Variants in PFKL observed in about 807,000 individuals in gnomAD.
The protein encoded by PFKL is ATP-dependent 6-phosphofructokinase, liver type.
Under a neutral mutation model 92.1 loss-of-function variants are expected in PFKL, and 74 were observed. That is an observed-to-expected ratio of 0.80 (90% confidence interval 0.67 to 0.97). PFKL has a LOEUF of 0.97. Ranked by LOEUF, PFKL falls within the 50% of genes least tolerant of loss-of-function variation. The pLI is 0.00. For synonymous variants in PFKL, 494 were observed against 456.4 expected, an observed-to-expected ratio of 1.08 and a Z score of -1.05; for missense variants, 1,028 against 1,116.6, an observed-to-expected ratio of 0.92 and a Z score of 1.13.
At position 44,313,098 on chromosome 21, in the gene PFKL, A is replaced by G. The variant is rs776013926; in HGVS notation, c.548A>G (p.His183Arg). ...ACCATCGGCACGGACTCGGCCCTCC[A>G]CCGCATCATGGAGGTCATCGATGCC... ...DMTIGTDSAL[H>R]RIMEVIDAIT... The change falls in exon 5 of 22, where the codon CAC (histidine) becomes CGC (arginine). Residue 183 changes from histidine to arginine, a missense_variant. By Grantham distance (29) the His-to-Arg change is conservative (BLOSUM62 0). Coordinates refer to ENST00000349048, the MANE Select transcript of PFKL (RefSeq NM_002626.6). 3 of 1,612,788 alleles carry G rather than the reference A, an allele frequency of 1.9e-6. No individual in the cohort carries two copies. The highest frequency in any genetic ancestry group is 1.7e-6 in the Non-Finnish European group (2 of 1,179,886).
intron 7 of PFKL, chr21:44,314,782 CG>C (rs1338795854): frequency 6.6e-6 from 1 of 152,354 alleles, no homozygotes; most frequent in Non-Finnish European, 1.5e-5. Context: ...ACCAGAGGCA[CG>C]GGCCATTCAG....
At chr21:44,321,467 G>A (rs2047352850) in intron 12 of PFKL, 1 of 241,896 alleles carries the variant, frequency 4.1e-6, no homozygotes, top group Non-Finnish European at 7.9e-6. Context: ...TCACAACAGT[G>A]CTCGCCCCTT....
At chr21:44,319,653 G>T in intron 11 of PFKL, 1 of 580,110 alleles carries the variant, frequency 1.7e-6, no homozygotes, top group Non-Finnish European at 3.1e-6. Context: ...TCTGGGCATG[G>T]CGAGGGGATG....
rs779945114 is a variant in PFKL, at chr21:44,326,833, C to T, written c.2314C>T (p.Arg772Cys). The change falls in exon 22 of 22, where the codon CGC (arginine) becomes TGC (cysteine). Residue 772 changes from arginine (R) to cysteine (C), a missense_variant. Coordinates refer to ENST00000349048, the MANE Select transcript of PFKL (RefSeq NM_002626.6). ...AGGGGAGCTGGAGCACGTGACCCGC[C>T]GCACCCTGAGCATGGACAAGGGCTT... ...VSGELEHVTR[R>C]TLSMDKGF The T allele has an allele frequency of 1.1e-5, 18 of 1,609,960 alleles. No individual in the cohort carries two copies. Among genetic ancestry groups the T allele is most frequent in the Middle Eastern group, 1.7e-4 (1 of 6,020 alleles).
At chr21:44,326,134 G>A in intron 20 of PFKL, 25 bp from the exon 21 acceptor site, 1 of 1,608,474 alleles carries the variant, frequency 6.2e-7, no homozygotes, top group Non-Finnish European at 8.5e-7. Flanking sequence ...CACCATGGAG[G>A]GCTGCCACGT....
At chr21:44,322,720 C>T (rs900139510) in intron 14 of PFKL, among the ~76,000 whole-genome samples, 2 of 152,282 alleles carry the variant, frequency 1.3e-5, no homozygotes, top group South Asian at 2.1e-4. Context: ...GGGAGCCCAG[C>T]GGGGTGGGGG....
rs1381182129 is a variant in PFKL at position 44,316,358 on chromosome 21, G to T, written c.843+19G>T. On this transcript the variant is annotated intron_variant, in intron 8 of 21. Coordinates refer to ENST00000349048, the MANE Select transcript of PFKL (RefSeq NM_002626.6). Reference sequence around the variant, plus strand: ...GAAGGACGTGCGTGTGGGCCTGGGGGTGGCCACTGGGCACCTGCTCCTCTA... The same window carrying T: ...GAAGGACGTGCGTGTGGGCCTGGGGTTGGCCACTGGGCACCTGCTCCTCTA... 13 of 1,612,232 alleles carry T rather than the reference G, an allele frequency of 8.1e-6. No individual in the cohort carries two copies. In the East Asian group the frequency reaches 2.7e-4, roughly 33 times the overall value.
rs1364124755 is a variant in PFKL at position 44,326,941 on chromosome 21, T to C, written c.*79T>C. 2 of 1,366,366 alleles carry C rather than the reference T, an allele frequency of 1.5e-6. No homozygotes were observed. Among genetic ancestry groups the C allele is most frequent in the Admixed American group, 3.9e-5 (2 of 50,798 alleles). 84.6% of individuals were successfully genotyped at this position (1,366,366 alleles called of 1,614,324 possible). A position where few individuals can be genotyped will look rare whatever the true frequency, so the allele number is the denominator to read the frequency against. On this transcript the variant is annotated 3_prime_UTR_variant, in exon 22 of 22. Coordinates refer to ENST00000349048, the MANE Select transcript of PFKL (RefSeq NM_002626.6). ...AGGGCTCAGATGGGGCCTGGGCTGT[T>C]GTGTCTGGAGCCTGCAGGCAGGTGG...
chr21:44,326,645 CTGGGG>C, intron 21 of PFKL, 65 bp from the exon 22 acceptor site: 1 of 1,492,750 alleles, frequency 6.7e-7, no homozygotes, highest in Non-Finnish European at 8.9e-7. Flanking sequence ...GGTGGGGGGG[CTGGGG>C]ACGTGGCTGA....
intron 1 of PFKL, chr21:44,304,568 G>T (rs1355634817): frequency 9.0e-7 from 1 of 1,113,114 alleles, no homozygotes; most frequent in Non-Finnish European, 1.1e-6. Flanking sequence ...CCCAACTCCA[G>T]TGAGGGTGGG....
chr21:44,304,222 G>T, intron 1 of PFKL: 1 of 1,288,654 alleles, frequency 7.8e-7, no homozygotes, highest in Non-Finnish European at 1.0e-6. Context: ...ACATTTGGAA[G>T]TGAGGGGTAC....
chr21:44,320,018 G>A, intron 11 of PFKL, 66 bp from the exon 12 acceptor site: 2 of 1,457,418 alleles, frequency 1.4e-6, no homozygotes, highest in South Asian at 1.1e-5. Context: ...CTCTGTCACG[G>A]CTGCGCTGTG....
chr21:44,325,308 C>A (rs551787431), intron 19 of PFKL, 44 bp downstream of exon 19: 13 of 1,293,332 alleles, frequency 1.0e-5, no homozygotes, highest in South Asian at 9.5e-5. Flanking sequence ...CCCCTCTTTC[C>A]TGCCACCATC....
At chr21:44,324,944 C>T (rs1028714046) in intron 18 of PFKL, 27 bp downstream of exon 18, 3 of 1,581,586 alleles carry the variant, frequency 1.9e-6, no homozygotes, top group African/African-American at 1.3e-5. Context: ...TCCCTGGCCA[C>T]AGCTGCGCGT....
At chr21:44,312,736 T>C (rs2047083825) in intron 4 of PFKL, among the ~76,000 whole-genome samples, 1 of 152,172 alleles carries the variant, frequency 6.6e-6, no homozygotes, top group Non-Finnish European at 1.5e-5. Context: ...TGGGGGACCC[T>C]GATGTGAGGC....
intron 7 of PFKL, 191 bp from the exon 8 acceptor site, chr21:44,316,053 C>G (rs2776382): frequency 0.44 from 261,576 of 600,872 alleles, 61,829 homozygotes; most frequent in African/African-American, 0.77. Context: ...GAGGGCGGGG[C>G]GTCCTAGTGG....
In PFKL at chr21:44,326,219, T is replaced by C. The variant is rs17850433; in HGVS notation, c.2150T>C (p.Val717Ala). Residue 717 changes from valine (V) to alanine (A), a missense_variant, in exon 21 of 22, where the codon GTG (valine) becomes GCG (alanine). By Grantham distance (64) the Val-to-Ala change is moderately conservative (BLOSUM62 0). Coordinates refer to ENST00000349048, the MANE Select transcript of PFKL (RefSeq NM_002626.6). ...ACVIGLKKKA[V>A]AFSPVTELKK... is the part of the protein sequence containing the mutation. ...GTGATCGGCCTGAAGAAGAAGGCGG[T>C]GGCCTTCAGCCCCGTCACTGAGCTC... 9.8e-3 allele frequency: 15,864 copies of C among 1,612,818 alleles called. 109 individuals are homozygous for C. The highest frequency in any genetic ancestry group is 0.012 in the Non-Finnish European group (14,329 of 1,179,644).
At chr21:44,308,837 C>T (rs1305718117) in intron 2 of PFKL, among the ~76,000 whole-genome samples, 1 of 152,116 alleles carries the variant, frequency 6.6e-6, no homozygotes, top group African/African-American at 2.4e-5. Flanking sequence ...GCTGGGATTA[C>T]AGGCGCGAGC....
At chr21:44,307,487 A>G (rs1374688018) in intron 2 of PFKL, among the ~76,000 whole-genome samples, 4 of 152,050 alleles carry the variant, frequency 2.6e-5, no homozygotes, top group African/African-American at 9.7e-5. Flanking sequence ...GCCACTTTTT[A>G]TGTAATATGT....
Sources: allele counts gnomAD v4.1 joint callset (sites outside exome capture counted in the v4.1 genomes callset), GRCh38; gene constraint gnomAD v4.1.1; transcripts MANE v1.5; gene names NCBI Gene and HGNC (gene_info 2026-07-23, HGNC 2026-07-21).